Variants in TEX11 observed in about 807,000 individuals in gnomAD.
The protein encoded by TEX11 is testis-expressed protein 11.
In TEX11, 7 loss-of-function variants were observed where a neutral mutation model predicts 84.4. The observed-to-expected ratio is 0.08, with a 90% confidence interval of 0.05 to 0.16. The LOEUF is 0.16. Among genes scored for constraint, TEX11 ranks in the 10% least tolerant of loss-of-function variants. The probability of loss-of-function intolerance (pLI) is 1.00; values close to 1 mark genes in which losing one functional copy is unlikely to be tolerated. For missense variants in TEX11, 551 were observed against 660.5 expected, an observed-to-expected ratio of 0.83 and a Z score of 1.82; for synonymous variants, 264 against 222.8, an observed-to-expected ratio of 1.18 and a Z score of -1.64.
At chrX:70,735,961 T>C (rs1171790988) in intron 11 of TEX11, among the ~76,000 whole-genome samples, 6 of 111,770 alleles carry the variant, frequency 5.4e-5, no homozygotes, top group African/African-American at 1.9e-4. Context: ...AATTGGGTTG[T>C]TTGTCTTCTT....
chrX:70,613,684 C>T (rs7060749), intron 20 of TEX11, among the ~76,000 whole-genome samples: 14,272 of 111,236 alleles, frequency 0.13, 749 homozygotes, highest in Middle Eastern at 0.2. Flanking sequence ...CTTGGGGGCA[C>T]GCAACTTACT....
intron 20 of TEX11, among the ~76,000 whole-genome samples, chrX:70,620,864 T>C (rs2089375582): frequency 8.9e-6 from 1 of 112,148 alleles, no homozygotes; most frequent in Non-Finnish European, 1.9e-5. Context: ...TGATTCCAAC[T>C]GTATGACATT....
chrX:70,753,879 T>G (rs1295099090), intron 9 of TEX11, among the ~76,000 whole-genome samples: 2 of 110,200 alleles, frequency 1.8e-5, no homozygotes, highest in Non-Finnish European at 3.8e-5. Context: ...AAGGACCTAG[T>G]TCTAGAATCA....
intron 21 of TEX11, 136 bp downstream of exon 21, chrX:70,610,367 C>T: frequency 1.8e-6 from 1 of 545,162 alleles, no homozygotes; most frequent in Non-Finnish European, 2.9e-6. Flanking sequence ...AAATAGATTC[C>T]TGTGGCAAAG....
At chrX:70,735,632 T>G (rs2090689931) in intron 11 of TEX11, among the ~76,000 whole-genome samples, 1 of 112,299 alleles carries the variant, frequency 8.9e-6, no homozygotes, top group Non-Finnish European at 1.9e-5. Flanking sequence ...TTAATATTGT[T>G]AAGATAGCAA....
intron 25 of TEX11, among the ~76,000 whole-genome samples, chrX:70,559,889 T>C (rs1466234997): frequency 8.9e-6 from 1 of 111,936 alleles, no homozygotes; most frequent in Admixed American, 9.5e-5. Flanking sequence ...TGACGGTCAC[T>C]GCTGGGATAG....
intron 9 of TEX11, among the ~76,000 whole-genome samples, chrX:70,759,732 C>T (rs1475635942): frequency 9.0e-6 from 1 of 111,668 alleles, no homozygotes; most frequent in Admixed American, 9.6e-5. Flanking sequence ...CTCACCACTC[C>T]TATTCAACAT....
chrX:70,575,684 C>T (rs1379776223), intron 25 of TEX11, among the ~76,000 whole-genome samples: 2 of 111,488 alleles, frequency 1.8e-5, no homozygotes, highest in East Asian at 5.6e-4. Flanking sequence ...TGTAAGTTAC[C>T]CGGTCTGCAT....
intron 24 of TEX11, among the ~76,000 whole-genome samples, chrX:70,595,276 G>A (rs899559460): frequency 1.8e-5 from 2 of 110,405 alleles, no homozygotes; most frequent in African/African-American, 3.3e-5. Flanking sequence ...GTAGAGATGG[G>A]GTTTCACCAT....
At chrX:70,833,972 A>G (rs1368088117) in intron 7 of TEX11, among the ~76,000 whole-genome samples, 3 of 111,605 alleles carry the variant, frequency 2.7e-5, no homozygotes, top group Non-Finnish European at 5.6e-5. Context: ...CTTTGTCTTA[A>G]AGCAAGATCA....
intron 2 of TEX11, among the ~76,000 whole-genome samples, chrX:70,901,899 A>G (rs1458637184): frequency 8.9e-6 from 1 of 112,726 alleles, no homozygotes; most frequent in Non-Finnish European, 1.9e-5. Flanking sequence ...TAACACAATG[A>G]TAAGTATTTG....
intron 18 of TEX11, among the ~76,000 whole-genome samples, chrX:70,626,464 AGCAATCCTTCAACT>A (rs2089452823): frequency 9.0e-6 from 1 of 110,531 alleles, no homozygotes; most frequent in Non-Finnish European, 1.9e-5. Flanking sequence ...CCCTGACTCC[AGCAATCCTTCAACT>A]GCAGTAAGAC....
chrX:70,767,421 A>C (rs2090947557), intron 9 of TEX11, among the ~76,000 whole-genome samples: 1 of 111,711 alleles, frequency 9.0e-6, no homozygotes, highest in African/African-American at 3.3e-5. Flanking sequence ...TATCATCTCC[A>C]CTCAGTTAAA....
intron 5 of TEX11, chrX:70,857,506 A>T: frequency 4.1e-6 from 1 of 243,889 alleles, no homozygotes; most frequent in Non-Finnish European, 7.8e-6. Flanking sequence ...GTACATTAAG[A>T]CTCTGGACCA....
chrX:70,790,350 T>A (rs142371539), intron 9 of TEX11, among the ~76,000 whole-genome samples: 1,570 of 111,541 alleles, frequency 0.014, 13 homozygotes, highest in Middle Eastern at 0.046. Context: ...GAACTCCGCA[T>A]GGAGTCACCA....
At chrX:70,655,486 T>C (rs1308616332) in intron 16 of TEX11, among the ~76,000 whole-genome samples, 1 of 112,014 alleles carries the variant, frequency 8.9e-6, no homozygotes, top group Non-Finnish European at 1.9e-5. Context: ...TTTGCCAGCA[T>C]TAACTGCATT....
chrX:70,613,308 A>G (rs2089282640), intron 20 of TEX11, among the ~76,000 whole-genome samples: 1 of 111,995 alleles, frequency 8.9e-6, no homozygotes, highest in African/African-American at 3.2e-5. Flanking sequence ...GGTAGGAAAG[A>G]CAGTCTTTAA....
intron 4 of TEX11, among the ~76,000 whole-genome samples, chrX:70,864,264 C>G (rs1288721025): frequency 2.7e-5 from 3 of 110,813 alleles, no homozygotes; most frequent in African/African-American, 9.8e-5. Context: ...AGAAGAGCAA[C>G]CCCAAGACAC....
intron 16 of TEX11, among the ~76,000 whole-genome samples, chrX:70,654,155 C>A (rs1442213265): frequency 9.0e-6 from 1 of 111,478 alleles, no homozygotes; most frequent in African/African-American, 3.3e-5. Context: ...AAGACTAAAT[C>A]CTAATGTAAA....
Sources: gnomAD v4.1 joint callset for allele counts (sites outside exome capture counted in the v4.1 genomes callset) on GRCh38, gnomAD v4.1.1 for gene constraint, MANE v1.5 for transcripts, NCBI Gene and HGNC (gene_info 2026-07-23, HGNC 2026-07-21) for gene names.